The following RELN variants were observed in gnomAD, a reference collection of about 807,000 sequenced individuals.
RELN encodes the protein reelin.
Under a neutral mutation model 427.6 loss-of-function variants are expected in RELN, and 108 were observed. That is an observed-to-expected ratio of 0.25 (90% confidence interval 0.22 to 0.30). RELN has a LOEUF of 0.30. RELN is among the 10% of genes least tolerant of loss of function. The probability of loss-of-function intolerance (pLI) is 1.00; values close to 1 mark genes in which losing one functional copy is unlikely to be tolerated. For missense variants in RELN, 3,715 were observed against 4,302.8 expected (o/e 0.86, Z 3.82); for synonymous variants, 1,524 against 1,513.4 (o/e 1.01, Z -0.16).
chr7:103,540,187 A>C lies in RELN; in HGVS notation c.6930+10T>G, dbSNP rs754217683. The C allele has an allele frequency of 1.9e-6, 3 of 1,614,034 alleles. No individual in the cohort carries two copies. Among genetic ancestry groups the C allele is most frequent in the Non-Finnish European group, 2.5e-6 (3 of 1,180,014 alleles). On this transcript the variant is annotated intron_variant, in intron 44 of 64. Transcript: ENST00000428762. Reference sequence around the variant, plus strand: ...CGACAATTAAAATAGTTAATCCTGAAGGGACTGACCTGATCGATAACCCAG... The same window carrying C: ...CGACAATTAAAATAGTTAATCCTGACGGGACTGACCTGATCGATAACCCAG...
intron 28 of RELN, among the ~76,000 whole-genome samples, chr7:103,588,443 C>T (rs1831329579): frequency 6.6e-6 from 1 of 152,010 alleles, no homozygotes; most frequent in Admixed American, 6.6e-5. Context: ...TACAAACATA[C>T]AGTAAGATAG....
chr7:103,925,316 C>T (rs1165975171), intron 1 of RELN, among the ~76,000 whole-genome samples: 2 of 152,134 alleles, frequency 1.3e-5, no homozygotes, highest in Non-Finnish European at 2.9e-5. Flanking sequence ...TTCATTTTAT[C>T]ATCCACTTTT....
At chr7:103,789,277 T>A (rs1347122248) in intron 3 of RELN, among the ~76,000 whole-genome samples, 2 of 152,150 alleles carry the variant, frequency 1.3e-5, no homozygotes, top group African/African-American at 2.4e-5. Context: ...GACACAGGCA[T>A]GGGCAAAGAC....
intron 36 of RELN, among the ~76,000 whole-genome samples, chr7:103,558,346 T>C (rs923922289): frequency 2.8e-4 from 42 of 152,190 alleles, no homozygotes; most frequent in African/African-American, 9.2e-4. Flanking sequence ...ACAGGCCTTT[T>C]TTAAAAACAG....
chr7:103,963,131 C>CGCCTTTTT (rs1554449240), intron 1 of RELN, among the ~76,000 whole-genome samples: 1 of 53,762 alleles, frequency 1.9e-5, no homozygotes, highest in Non-Finnish European at 3.6e-5. Flanking sequence ...CTCTTTTCGC[C>CGCCTTTTT]TTCTTTTTTT....
At chr7:103,592,728 A>C (rs994612330) in intron 27 of RELN, among the ~76,000 whole-genome samples, 37 of 152,182 alleles carry the variant, frequency 2.4e-4, no homozygotes, top group African/African-American at 8.9e-4. Context: ...TGATTAATTA[A>C]ATAGAAAAGG....
intron 48 of RELN, among the ~76,000 whole-genome samples, chr7:103,520,793 C>A (rs1258923432): frequency 1.3e-5 from 2 of 151,948 alleles, no homozygotes; most frequent in African/African-American, 4.8e-5. Flanking sequence ...ATCCTGAACA[C>A]TGCAGTCTTT....
chr7:103,784,038 T>C (rs2116241606), intron 3 of RELN, among the ~76,000 whole-genome samples: 1 of 152,264 alleles, frequency 6.6e-6, no homozygotes, highest in South Asian at 2.1e-4. Flanking sequence ...AAATCACCAA[T>C]GAAGTGAATC....
intron 2 of RELN, among the ~76,000 whole-genome samples, chr7:103,899,714 T>C (rs191587149): frequency 1.3e-5 from 2 of 152,196 alleles, no homozygotes; most frequent in East Asian, 3.9e-4. Flanking sequence ...ATTATCTCAA[T>C]AGATGCAGAA....
Position 103,654,045 on chromosome 7 carries a change from C to T in RELN, c.1554+48G>A, listed in dbSNP as rs542274950. The T allele has an allele frequency of 4.8e-6, 5 of 1,047,784 alleles. No individual in the cohort carries two copies. In the Admixed American group the frequency reaches 6.8e-5, roughly 14 times the overall value. 64.9% of individuals were successfully genotyped at this position (1,047,784 alleles called of 1,614,324 possible). A position where few individuals can be genotyped will look rare whatever the true frequency, so the allele number is the denominator to read the frequency against. ...TTTGTGGTTTTGACTTGGGCTTGTC[C>T]AGGGTGGTCTGAGGTGGTCTATTTG... On this transcript the variant is annotated intron_variant, in intron 13 of 64. Transcript: ENST00000428762.
intron 36 of RELN, among the ~76,000 whole-genome samples, chr7:103,559,182 A>G (rs1830588114): frequency 6.6e-6 from 1 of 152,232 alleles, no homozygotes. Flanking sequence ...TACATAGTTT[A>G]TAAGTGGTGA....
chr7:103,621,415 T>G (rs3823981), intron 20 of RELN, among the ~76,000 whole-genome samples: 113,025 of 152,086 alleles, frequency 0.74, 42,649 homozygotes, highest in African/African-American at 0.87. Flanking sequence ...TCATATTTTT[T>G]AGATAATACA....
intron 11 of RELN, among the ~76,000 whole-genome samples, chr7:103,681,018 A>C (rs1396029685): frequency 3.3e-5 from 5 of 152,094 alleles, no homozygotes; most frequent in African/African-American, 1.2e-4. Flanking sequence ...AGAAATTCAG[A>C]GTTTGACACT....
At chr7:103,530,987 A>G (rs981940932) in intron 46 of RELN, among the ~76,000 whole-genome samples, 2 of 152,220 alleles carry the variant, frequency 1.3e-5, no homozygotes, top group Admixed American at 6.5e-5. Flanking sequence ...AGCCATTATC[A>G]TGGGCTCACT....
At chr7:103,491,207 CTG>C (rs1254786608) in intron 58 of RELN, among the ~76,000 whole-genome samples, 1 of 152,016 alleles carries the variant, frequency 6.6e-6, no homozygotes, top group Non-Finnish European at 1.5e-5. Context: ...AATAAGGTAA[CTG>C]AACTATGTCA....
intron 49 of RELN, among the ~76,000 whole-genome samples, chr7:103,517,993 C>T (rs1336116180): frequency 3.9e-5 from 6 of 152,194 alleles, no homozygotes; most frequent in Admixed American, 6.5e-5. Flanking sequence ...CCCCAATCTC[C>T]TTCCTATGGA....
chr7:103,648,643 T>A (rs933659193), intron 16 of RELN, among the ~76,000 whole-genome samples: 1 of 152,064 alleles, frequency 6.6e-6, no homozygotes, highest in Non-Finnish European at 1.5e-5. Flanking sequence ...ATCAACACAG[T>A]GAACAGACAA....
At chr7:103,606,253 C>T (rs907797148) in intron 22 of RELN, among the ~76,000 whole-genome samples, 1 of 152,122 alleles carries the variant, frequency 6.6e-6, no homozygotes, top group Non-Finnish European at 1.5e-5. Flanking sequence ...CCATAGTTTG[C>T]ACAGGAACAG....
chr7:103,476,815 T>C, intron 64 of RELN: 1 of 239,676 alleles, frequency 4.2e-6, no homozygotes, highest in Non-Finnish European at 9.0e-6. Context: ...TGTGAGCCTA[T>C]TTTTTGTTTT....
Sources: gnomAD v4.1 joint callset for allele counts (sites outside exome capture counted in the v4.1 genomes callset) on GRCh38, gnomAD v4.1.1 for gene constraint, MANE v1.5 for transcripts, NCBI Gene and HGNC (gene_info 2026-07-23, HGNC 2026-07-21) for gene names.